The following PRORP variants were observed in gnomAD, a reference collection of about 807,000 sequenced individuals.
PRORP encodes the protein mitochondrial ribonuclease P catalytic subunit.
In PRORP, 51 loss-of-function variants were observed where a neutral mutation model predicts 59.4. The ratio of observed to expected loss-of-function variants is 0.86; its 90% CI spans 0.69 to 1.08. The LOEUF (loss-of-function observed/expected upper bound fraction) is 1.08, where lower values mean the gene tolerates loss of function less well. PRORP is among the 50% of genes least tolerant of loss of function. The pLI is 0.00. For synonymous variants in PRORP, 231 were observed against 245.6 expected, an observed-to-expected ratio of 0.94 and a Z score of 0.55; for missense variants, 646 against 690.3, an observed-to-expected ratio of 0.94 and a Z score of 0.72.
At chr14:35,183,587 A>C (rs777401046) in intron 5 of PRORP, among the ~76,000 whole-genome samples, 1 of 152,270 alleles carries the variant, frequency 6.6e-6, no homozygotes, top group East Asian at 1.9e-4. Context: ...TCTTTGGAAT[A>C]GATTTTGAGA....
intron 5 of PRORP, among the ~76,000 whole-genome samples, chr14:35,250,695 C>T (rs568956362): frequency 6.6e-6 from 1 of 152,270 alleles, no homozygotes; most frequent in Admixed American, 6.5e-5. Flanking sequence ...AGCACTGACA[C>T]GTGGCCTCCC....
chr14:35,167,443 A>G (rs1484425405), intron 4 of PRORP, among the ~76,000 whole-genome samples: 1 of 152,106 alleles, frequency 6.6e-6, no homozygotes, highest in Non-Finnish European at 1.5e-5. Flanking sequence ...ATTGATTACT[A>G]TTGGTCATTT....
chr14:35,164,839 C>A (rs559105783), intron 4 of PRORP, among the ~76,000 whole-genome samples: 4 of 152,230 alleles, frequency 2.6e-5, no homozygotes, highest in African/African-American at 9.6e-5. Flanking sequence ...TTATTAGTCT[C>A]TTTTGGGGAG....
In PRORP at chr14:35,123,495, T is replaced by A; in HGVS notation, c.250T>A (p.Phe84Ile). 6.2e-7 allele frequency: 1 copy of A among 1,613,672 alleles called. No individual in the cohort carries two copies. The highest frequency in any genetic ancestry group is 8.5e-7 in the Non-Finnish European group (1 of 1,179,766). The change falls in exon 2 of 8, where the codon TTT becomes ATT. Residue 84 changes from phenylalanine (F) to isoleucine (I), a missense_variant. Transcript: ENST00000534898. ...TAAGCAAGTTTATTCTGTTCCTCATTTTTTTTTAGCTGGAGCAGCTAAGGA... is the reference window on the plus strand; with the variant it reads ...TAAGCAAGTTTATTCTGTTCCTCATATTTTTTTAGCTGGAGCAGCTAAGGA... The part of the protein sequence containing the change: ...SNKQVYSVPH[F>I]FLAGAAKERS...
Position 35,273,594 on chromosome 14 carries a change from G to A in PRORP, c.*28G>A, listed in dbSNP as rs2051251533. The stretch of plus-strand genomic sequence containing the variant: ...ATTCTTACCTCTATGCTAAGTTTGT[G>A]TTTGGGTACCCTCTAGGTTGGCATC... On this transcript the variant is annotated 3_prime_UTR_variant, in exon 8 of 8. Transcript: ENST00000534898. 1 of 1,604,530 alleles carries A rather than the reference G, an allele frequency of 6.2e-7. No individual in the cohort carries two copies. Among genetic ancestry groups the A allele is most frequent in the Non-Finnish European group, 8.5e-7 (1 of 1,175,564 alleles).
At chr14:35,183,472 A>G (rs2048669528) in intron 5 of PRORP, among the ~76,000 whole-genome samples, 1 of 152,178 alleles carries the variant, frequency 6.6e-6, no homozygotes, top group Non-Finnish European at 1.5e-5. Context: ...TGGATGTACA[A>G]TAATTTTTAA....
rs1029754399 is a variant in PRORP at position 35,186,456 on chromosome 14, C to T, written c.1275+5679C>T. 4.6e-4 allele frequency among the ~76,000 whole-genome samples: 70 copies of T among 151,854 alleles called. 6 individuals are homozygous for T. The highest frequency in any genetic ancestry group is 4.6e-3 in the Admixed American group (70 of 15,240). On this transcript the variant is annotated intron_variant, in intron 5 of 7. Transcript: ENST00000534898. The stretch of plus-strand genomic sequence containing the variant: ...TGTATTCACAAAGTTTTGCAATCAT[C>T]ACCACTATCCTATTCCAGGACATTT...
Position 35,193,054 on chromosome 14 carries a change from C to T in PRORP, c.1275+12277C>T, listed in dbSNP as rs562838102. On this transcript the variant is annotated intron_variant, in intron 5 of 7. Coordinates refer to ENST00000534898, the MANE Select transcript of PRORP (RefSeq NM_014672.4). Reference sequence around the variant, plus strand: ...TGCATTTTCTCTCTCATTCTCTCTTCCCCCACATACCTACCCATAATTCAG... The same window carrying T: ...TGCATTTTCTCTCTCATTCTCTCTTTCCCCACATACCTACCCATAATTCAG... Among the ~76,000 whole-genome samples the T allele has an allele frequency of 3.3e-5, 5 of 151,666 alleles. No homozygotes were observed. In the South Asian group the frequency reaches 6.2e-4, roughly 19 times the overall value.
intron 4 of PRORP, among the ~76,000 whole-genome samples, chr14:35,163,781 C>A (rs924615528): frequency 3.9e-5 from 6 of 152,002 alleles, no homozygotes; most frequent in East Asian, 1.9e-4. Flanking sequence ...TAATTAGGTC[C>A]CACTTGTCAA....
At chr14:35,170,942 C>T (rs993134791) in intron 4 of PRORP, among the ~76,000 whole-genome samples, 6 of 151,832 alleles carry the variant, frequency 4.0e-5, no homozygotes, top group South Asian at 2.1e-4. Context: ...CTCTGCCTCC[C>T]CGGTTCAAGC....
At chr14:35,126,322 A>G (rs540580828) in intron 2 of PRORP, among the ~76,000 whole-genome samples, 2 of 152,352 alleles carry the variant, frequency 1.3e-5, no homozygotes, top group African/African-American at 4.8e-5. Flanking sequence ...TATAAAATCT[A>G]TTATGACATT....
chr14:35,173,912 T>C (rs2048380186), intron 4 of PRORP, among the ~76,000 whole-genome samples: 1 of 152,074 alleles, frequency 6.6e-6, no homozygotes, highest in African/African-American at 2.4e-5. Flanking sequence ...GTGTGGTGAT[T>C]GATGCTAGCT....
intron 5 of PRORP, among the ~76,000 whole-genome samples, chr14:35,184,864 T>C (rs1398859761): frequency 1.3e-5 from 2 of 152,210 alleles, no homozygotes; most frequent in Non-Finnish European, 2.9e-5. Context: ...TCATTCTTTT[T>C]TTGGCTGCAT....
intron 4 of PRORP, among the ~76,000 whole-genome samples, chr14:35,163,538 A>G (rs896025362): frequency 1.2e-4 from 19 of 152,028 alleles, no homozygotes; most frequent in African/African-American, 4.6e-4. Context: ...ATTTTTTCAT[A>G]TGTTTATTAG....
chr14:35,222,044 T>G (rs887358314), intron 5 of PRORP: 1 of 152,222 alleles, frequency 6.6e-6, no homozygotes, highest in African/African-American at 2.4e-5. Flanking sequence ...CCTTGAAGAT[T>G]TATTTTTAGT....
chr14:35,260,576 G>A (rs1444144965), intron 5 of PRORP, among the ~76,000 whole-genome samples: 1 of 152,178 alleles, frequency 6.6e-6, no homozygotes, highest in African/African-American at 2.4e-5. Flanking sequence ...AGCCACCTAG[G>A]TGCCATAGTG....
chr14:35,230,949 A>ACG (rs1313943825), intron 5 of PRORP, among the ~76,000 whole-genome samples: 3 of 116,272 alleles, frequency 2.6e-5, no homozygotes, highest in South Asian at 5.3e-4. Flanking sequence ...ACACACACAC[A>ACG]CACACACACA....
chr14:35,170,974 C>T (rs1346332167), intron 4 of PRORP, among the ~76,000 whole-genome samples: 1 of 152,030 alleles, frequency 6.6e-6, no homozygotes, highest in Non-Finnish European at 1.5e-5. Context: ...CTCAGACTCC[C>T]GAGTAGCTGG....
intron 4 of PRORP, among the ~76,000 whole-genome samples, chr14:35,162,017 A>G (rs1259965264): frequency 6.6e-6 from 1 of 152,022 alleles, no homozygotes; most frequent in East Asian, 1.9e-4. Context: ...TTCTAGATTG[A>G]AAAATAGGTT....
Sources: allele counts gnomAD v4.1 joint callset (sites outside exome capture counted in the v4.1 genomes callset), GRCh38; gene constraint gnomAD v4.1.1; transcripts MANE v1.5; gene names NCBI Gene and HGNC (gene_info 2026-07-23, HGNC 2026-07-21).